NBEA: variants seen among roughly 807,000 people sequenced by gnomAD.
NBEA encodes lysosomal-trafficking regulator 2.
NBEA carries 44 observed loss-of-function variants against 343.4 expected under a neutral mutation model. That is an observed-to-expected ratio of 0.13 (90% CI 0.10 to 0.16). The LOEUF is 0.16. Among genes scored for constraint, NBEA ranks in the 10% least tolerant of loss-of-function variants. The pLI is 1.00. For missense variants in NBEA, 2,555 were observed against 3,631.3 expected (o/e 0.70, Z 7.62); for synonymous variants, 1,175 against 1,238.7 (o/e 0.95, Z 1.08).
At chr13:35,033,048 C>T (rs2062297688) in intron 1 of NBEA, among the ~76,000 whole-genome samples, 3 of 151,744 alleles carry the variant, frequency 2.0e-5, no homozygotes, top group Admixed American at 2.0e-4. Flanking sequence ...GTTGCCTGTG[C>T]TTGTGGGGTA....
chr13:35,002,104 A>G (rs1202581644), intron 1 of NBEA, among the ~76,000 whole-genome samples: 1 of 152,170 alleles, frequency 6.6e-6, no homozygotes, highest in Non-Finnish European at 1.5e-5. Context: ...AGAAACCACA[A>G]GCAAGTGTTC....
intron 39 of NBEA, among the ~76,000 whole-genome samples, chr13:35,445,791 T>TATAC (rs1282904921): frequency 2.8e-5 from 2 of 70,256 alleles, no homozygotes; most frequent in Admixed American, 1.2e-4. Flanking sequence ...TTTATATATA[T>TATAC]ATATATATAT....
intron 44 of NBEA, among the ~76,000 whole-genome samples, chr13:35,562,929 T>C (rs903785918): frequency 1.3e-5 from 2 of 152,022 alleles, no homozygotes; most frequent in African/African-American, 4.8e-5. Flanking sequence ...AAGTGCCATA[T>C]AAAAACATTA....
At chr13:35,010,827 C>T (rs1334765625) in intron 1 of NBEA, among the ~76,000 whole-genome samples, 1 of 141,722 alleles carries the variant, frequency 7.1e-6, no homozygotes, top group Non-Finnish European at 1.5e-5. Flanking sequence ...ACTTGGAAGG[C>T]TGAGTTAGGA....
chr13:35,110,736 A>T, intron 12 of NBEA, 74 bp from the exon 13 acceptor site: 1 of 1,223,276 alleles, frequency 8.2e-7, no homozygotes, highest in Non-Finnish European at 1.1e-6. Context: ...TTTAAATTAA[A>T]ACTGAATGTA....
chr13:35,606,256 C>A (rs1340684291), intron 47 of NBEA, among the ~76,000 whole-genome samples, 170 bp from the exon 48 acceptor site: 1 of 152,016 alleles, frequency 6.6e-6, no homozygotes, highest in African/African-American at 2.4e-5. Context: ...AATGCTTCAT[C>A]TCAGATCTTT....
At chr13:35,014,281 TG>T (rs1220243113) in intron 1 of NBEA, among the ~76,000 whole-genome samples, 3 of 152,218 alleles carry the variant, frequency 2.0e-5, no homozygotes, top group Non-Finnish European at 2.9e-5. Context: ...TTACCTCATC[TG>T]GTAATTTTTG....
intron 41 of NBEA, among the ~76,000 whole-genome samples, chr13:35,530,192 TA>T (rs1326138459): frequency 6.6e-6 from 1 of 152,236 alleles, no homozygotes; most frequent in East Asian, 1.9e-4. Flanking sequence ...AAATAATATG[TA>T]ATTGAAACAA....
At chr13:35,149,461 A>C (rs1328397686) in intron 18 of NBEA, among the ~76,000 whole-genome samples, 1 of 152,210 alleles carries the variant, frequency 6.6e-6, no homozygotes, top group African/African-American at 2.4e-5. Context: ...TCATGCCACT[A>C]ATAAATAATC....
intron 34 of NBEA, among the ~76,000 whole-genome samples, chr13:35,242,949 A>C (rs1215717551): frequency 6.6e-6 from 1 of 151,860 alleles, no homozygotes; most frequent in Non-Finnish European, 1.5e-5. Context: ...ACAGTAACTC[A>C]AAGCCATATG....
intron 1 of NBEA, among the ~76,000 whole-genome samples, chr13:34,944,778 T>G (rs2152478235): frequency 6.6e-6 from 1 of 152,304 alleles, no homozygotes; most frequent in South Asian, 2.1e-4. Context: ...CCAATATCAT[T>G]TTTAAGTTAG....
intron 35 of NBEA, among the ~76,000 whole-genome samples, chr13:35,307,354 C>T (rs527423859): frequency 6.6e-6 from 1 of 152,004 alleles, no homozygotes; most frequent in Non-Finnish European, 1.5e-5. Flanking sequence ...TGATCATATA[C>T]TTTCATTGGC....
Position 35,452,195 on chromosome 13 carries a change from A to G in NBEA, c.6408A>G (p.Ala2136=), listed in dbSNP as rs2046343637. The G allele has an allele frequency of 6.2e-7, 1 of 1,601,328 alleles. No individual in the cohort carries two copies. The highest frequency in any genetic ancestry group is 8.5e-7 in the Non-Finnish European group (1 of 1,172,826). Reference sequence around the variant, plus strand: ...TTATGCTGGAAGGAGACGATGATGCAGTCAGTCTGCTACAGGAGAAAGAAA... The same window carrying G: ...TTATGCTGGAAGGAGACGATGATGCGGTCAGTCTGCTACAGGAGAAAGAAA... ...TELMLEGDDD[A]VSLLQEKEID... is the part of the protein sequence containing the mutation. Residue 2136 remains alanine, a synonymous_variant, in exon 40 of 59, where the codon GCA becomes GCG. Coordinates refer to ENST00000379939, the MANE Select transcript of NBEA (RefSeq NM_001385012.1).
At chr13:35,192,513 C>G (rs982426468) in intron 30 of NBEA, among the ~76,000 whole-genome samples, 12 of 151,872 alleles carry the variant, frequency 7.9e-5, no homozygotes, top group African/African-American at 2.9e-4. Flanking sequence ...TTTTTGAAAT[C>G]ATTCTTTTAT....
chr13:34,997,560 C>T (rs1003422492), intron 1 of NBEA, among the ~76,000 whole-genome samples: 16 of 152,150 alleles, frequency 1.1e-4, no homozygotes, highest in Non-Finnish European at 2.1e-4. Context: ...TTATGAGTTA[C>T]AGACATGATA....
At chr13:35,390,221 C>T (rs998075723) in intron 38 of NBEA, among the ~76,000 whole-genome samples, 6 of 151,862 alleles carry the variant, frequency 4.0e-5, no homozygotes, top group African/African-American at 1.5e-4. Context: ...GGACTTAAGA[C>T]CTATTCCGTG....
At chr13:35,577,648 TATA>T in intron 45 of NBEA, among the ~76,000 whole-genome samples, 1 of 152,054 alleles carries the variant, frequency 6.6e-6, no homozygotes. Flanking sequence ...GGAAATTTTA[TATA>T]ATATTATATA....
chr13:35,301,894 G>A (rs1334267169), intron 35 of NBEA, among the ~76,000 whole-genome samples: 1 of 152,072 alleles, frequency 6.6e-6, no homozygotes, highest in Admixed American at 6.6e-5. Flanking sequence ...GGCATGAGAT[G>A]GTATCTCATG....
intron 38 of NBEA, among the ~76,000 whole-genome samples, chr13:35,377,727 A>G (rs1467727406): frequency 6.6e-6 from 1 of 152,106 alleles, no homozygotes. Context: ...AACATCTTGG[A>G]AGCATTTGAC....
Sources: gnomAD v4.1 joint callset for allele counts (sites outside exome capture counted in the v4.1 genomes callset) on GRCh38, gnomAD v4.1.1 for gene constraint, MANE v1.5 for transcripts, NCBI Gene and HGNC (gene_info 2026-07-23, HGNC 2026-07-21) for gene names.